Variants in PDE8B observed in about 807,000 individuals in gnomAD.
PDE8B encodes high affinity cAMP-specific and IBMX-insensitive 3',5'-cyclic phosphodiesterase 8B.
PDE8B carries 26 observed loss-of-function variants against 101.3 expected under a neutral mutation model. The ratio of observed to expected loss-of-function variants is 0.26; its 90% CI spans 0.19 to 0.36. The LOEUF is 0.36. Ranked by LOEUF, PDE8B falls within the 10% of genes least tolerant of loss-of-function variation. PDE8B has a pLI of 1.00. For synonymous variants in PDE8B, 424 were observed against 429.3 expected, an observed-to-expected ratio of 0.99 and a Z score of 0.15; for missense variants, 810 against 1,163.1, an observed-to-expected ratio of 0.70 and a Z score of 4.42.
At chr5:77,155,351 G>T in the PDE8B span, among the ~76,000 whole-genome samples, 1 of 152,242 alleles carries the variant, frequency 6.6e-6, no homozygotes, top group Admixed American at 6.5e-5. Flanking sequence ...ACTGACAGCT[G>T]CTGTCGTCTG....
chr5:77,392,938 T>C (rs147540430), intron 10 of PDE8B, among the ~76,000 whole-genome samples: 5 of 152,270 alleles, frequency 3.3e-5, no homozygotes, highest in African/African-American at 1.2e-4. Flanking sequence ...AGTAGAAATA[T>C]AATGACACTT....
the PDE8B span, chr5:77,118,353 A>C: frequency 5.0e-6 from 2 of 398,526 alleles, no homozygotes; most frequent in African/African-American, 4.1e-5. Context: ...ACATGAGGAC[A>C]GGGCAGGCCG....
At chr5:77,176,432 C>T in the PDE8B span, among the ~76,000 whole-genome samples, 3 of 152,002 alleles carry the variant, frequency 2.0e-5, no homozygotes, top group Admixed American at 2.0e-4. Context: ...AGAGCAATGC[C>T]GAAGCAATTT....
intron 10 of PDE8B, among the ~76,000 whole-genome samples, chr5:77,364,220 C>T (rs1783690023): frequency 6.6e-6 from 1 of 152,196 alleles, no homozygotes; most frequent in African/African-American, 2.4e-5. Context: ...TAAATGTCAG[C>T]TCTGACTGCA....
intron 10 of PDE8B, among the ~76,000 whole-genome samples, chr5:77,387,278 G>A (rs912495864): frequency 2.0e-5 from 3 of 152,044 alleles, no homozygotes; most frequent in African/African-American, 4.8e-5. Flanking sequence ...AAAATCTCTC[G>A]GTATTTGCTT....
At chr5:77,353,267 A>G in intron 9 of PDE8B, 79 bp from the exon 10 acceptor site, 1 of 836,990 alleles carries the variant, frequency 1.2e-6, no homozygotes, top group Non-Finnish European at 2.1e-6. Context: ...AGCTTTAAGA[A>G]GTCTGTTGAC....
At chr5:77,171,474 G>A in the PDE8B span, among the ~76,000 whole-genome samples, 1 of 152,170 alleles carries the variant, frequency 6.6e-6, no homozygotes, top group Non-Finnish European at 1.5e-5. Flanking sequence ...ATTCTGTCCG[G>A]CCCATAGAAA....
chr5:77,114,388 A>G, the PDE8B span: 1 of 152,212 alleles, frequency 6.6e-6, no homozygotes, highest in Non-Finnish European at 1.5e-5. Flanking sequence ...GGAAACCATC[A>G]TTCTCAGCAA....
the PDE8B span, among the ~76,000 whole-genome samples, chr5:77,125,643 T>C: frequency 6.6e-6 from 1 of 152,214 alleles, no homozygotes; most frequent in Non-Finnish European, 1.5e-5. Flanking sequence ...AATTTGGGTA[T>C]CTCCTACATC....
At chr5:77,376,830 CA>C (rs1357337656) in intron 10 of PDE8B, among the ~76,000 whole-genome samples, 4 of 152,244 alleles carry the variant, frequency 2.6e-5, no homozygotes, top group African/African-American at 9.6e-5. Context: ...TAATCAAGTG[CA>C]AATGAAGGCC....
chr5:77,391,059 A>G (rs1001793099), intron 10 of PDE8B, among the ~76,000 whole-genome samples: 3 of 152,212 alleles, frequency 2.0e-5, no homozygotes, highest in Admixed American at 6.5e-5. Context: ...AGAATGCCAA[A>G]CCACAGACCC....
intron 1 of PDE8B, among the ~76,000 whole-genome samples, chr5:77,232,084 T>C (rs1258193835): frequency 3.9e-5 from 6 of 152,258 alleles, no homozygotes; most frequent in Admixed American, 3.3e-4. Context: ...AGTAATCAAC[T>C]GTTTTACAGT....
At chr5:77,112,335 A>T in the PDE8B span, 2 of 152,222 alleles carry the variant, frequency 1.3e-5, no homozygotes, top group Non-Finnish European at 2.9e-5. Context: ...GCATTTGGAC[A>T]TTATCTGATT....
At chr5:77,173,593 G>C in the PDE8B span, among the ~76,000 whole-genome samples, 1 of 152,038 alleles carries the variant, frequency 6.6e-6, no homozygotes, top group Non-Finnish European at 1.5e-5. Flanking sequence ...CAAAATGGAA[G>C]GGCGAATATT....
chr5:77,271,786 T>C (rs1304432850), intron 1 of PDE8B, among the ~76,000 whole-genome samples: 2 of 152,226 alleles, frequency 1.3e-5, no homozygotes, highest in African/African-American at 2.4e-5. Flanking sequence ...TGGATAGTCC[T>C]TATACATTCT....
chr5:77,194,102 T>C, the PDE8B span, among the ~76,000 whole-genome samples: 1 of 152,238 alleles, frequency 6.6e-6, no homozygotes, highest in Non-Finnish European at 1.5e-5. Flanking sequence ...ACTTCCTCTT[T>C]CCCAGATTGT....
At chr5:77,121,615 C>T in the PDE8B span, among the ~76,000 whole-genome samples, 1 of 151,246 alleles carries the variant, frequency 6.6e-6, no homozygotes, top group African/African-American at 2.4e-5. Context: ...TCAAGCAATT[C>T]TTCTGCCTCA....
chr5:77,425,039 A>C (rs372033889), intron 20 of PDE8B, among the ~76,000 whole-genome samples: 1 of 152,118 alleles, frequency 6.6e-6, no homozygotes, highest in African/African-American at 2.4e-5. Context: ...TATAATGACT[A>C]TGGCTATTAA....
chr5:77,115,751 C>G, the PDE8B span, among the ~76,000 whole-genome samples: 12 of 152,282 alleles, frequency 7.9e-5, no homozygotes, highest in East Asian at 1.3e-3. Flanking sequence ...TCGGCCGTTG[C>G]CATTGTTAAC....
Sources: gnomAD v4.1 joint callset for allele counts (sites outside exome capture counted in the v4.1 genomes callset) on GRCh38, gnomAD v4.1.1 for gene constraint, MANE v1.5 for transcripts, NCBI Gene and HGNC (gene_info 2026-07-23, HGNC 2026-07-21) for gene names.